Variants in DRGX observed in about 807,000 individuals in gnomAD.
The protein encoded by DRGX is dorsal root ganglia homeobox protein.
In DRGX, 21 loss-of-function variants were observed where a neutral mutation model predicts 28.6. That is an observed-to-expected ratio of 0.73 (90% CI 0.52 to 1.06). DRGX has a LOEUF of 1.06. Ranked by LOEUF, DRGX falls within the 50% of genes least tolerant of loss-of-function variation. The pLI, the probability that DRGX is intolerant of heterozygous loss-of-function variation, is 0.00. For missense variants in DRGX, 354 were observed against 343.9 expected, an observed-to-expected ratio of 1.03 and a Z score of -0.23; for synonymous variants, 136 against 139.1, an observed-to-expected ratio of 0.98 and a Z score of 0.16.
In DRGX at chr10:49,366,265, C is replaced by T. The variant is rs763107153; in HGVS notation, c.643G>A (p.Glu215Lys). 23 of 1,613,746 alleles carry T rather than the reference C, an allele frequency of 1.4e-5. No individual in the cohort carries two copies. Among genetic ancestry groups the T allele is most frequent in the South Asian group, 5.5e-5 (5 of 91,086 alleles). ...GACTGCAGGACAGCTTCTGAGTGCT[C>T]GCGGGCCTTCATGCGCAGGGTGGCC... is the stretch of plus-strand genomic sequence containing the variant. ...SVATLRMKAREHSEAVLQSAN... is the reference protein window; with the variant it reads ...SVATLRMKARKHSEAVLQSAN... Residue 215 changes from glutamate to lysine, a missense_variant, in exon 7 of 7, where the codon GAG (glutamate) becomes AAG (lysine). By Grantham distance (56) the Glu-to-Lys change is moderately conservative (BLOSUM62 1). Transcript: ENST00000374139.
At chr10:49,390,337 C>G in intron 3 of DRGX, 103 bp from the exon 4 acceptor site, 1 of 969,732 alleles carries the variant, frequency 1.0e-6, no homozygotes, top group Non-Finnish European at 1.5e-6. Context: ...AGCAGTTTCA[C>G]AGATTAAATC....
intron 6 of DRGX, among the ~76,000 whole-genome samples, chr10:49,375,460 G>A (rs1849706445): frequency 6.6e-6 from 1 of 152,128 alleles, no homozygotes; most frequent in Non-Finnish European, 1.5e-5. Context: ...AATACCCCAT[G>A]GAAAGAAAAA....
chr10:49,380,047 C>T (rs900473627), intron 6 of DRGX, among the ~76,000 whole-genome samples: 1 of 152,226 alleles, frequency 6.6e-6, no homozygotes, highest in Admixed American at 6.5e-5. Context: ...CTCTAGGGAA[C>T]CACGCTGGGG....
At chr10:49,395,066 C>T (rs1357736504) in intron 2 of DRGX, among the ~76,000 whole-genome samples, 3 of 152,230 alleles carry the variant, frequency 2.0e-5, no homozygotes, top group African/African-American at 7.2e-5. Context: ...GCAGAAGCAC[C>T]GTGAAAGATT....
intron 6 of DRGX, among the ~76,000 whole-genome samples, chr10:49,373,147 T>A (rs1483784249): frequency 1.3e-4 from 20 of 152,162 alleles, no homozygotes; most frequent in Admixed American, 1.3e-3. Flanking sequence ...AATTAGCTAC[T>A]AAGGAAGTCA....
intron 6 of DRGX, among the ~76,000 whole-genome samples, chr10:49,369,750 T>A (rs1849634632): frequency 6.6e-6 from 1 of 152,058 alleles, no homozygotes; most frequent in Admixed American, 6.5e-5. Context: ...ACGCATGTTT[T>A]ACCATAATCA....
intron 2 of DRGX, 102 bp from the exon 3 acceptor site, chr10:49,391,363 A>G: frequency 2.3e-6 from 2 of 859,810 alleles, no homozygotes; most frequent in Non-Finnish European, 3.8e-6. Context: ...ACCAGACAGG[A>G]AGCCCTGTTT....
intron 4 of DRGX, among the ~76,000 whole-genome samples, chr10:49,389,452 C>A (rs1849875281): frequency 6.6e-6 from 1 of 152,188 alleles, no homozygotes; most frequent in Admixed American, 6.5e-5. Context: ...ATAGCTCGCC[C>A]AGAGAGGCGG....
At chr10:49,386,362 G>T in intron 6 of DRGX, 116 bp downstream of exon 6, 1 of 861,892 alleles carries the variant, frequency 1.2e-6, no homozygotes, top group Non-Finnish European at 1.7e-6. Flanking sequence ...GACAGGAGGC[G>T]AGGAAGCTGC....
intron 6 of DRGX, among the ~76,000 whole-genome samples, chr10:49,385,705 GA>G (rs200071229): frequency 5.3e-5 from 8 of 151,624 alleles, no homozygotes; most frequent in Admixed American, 2.0e-4. Context: ...CCTATTATCA[GA>G]AAAAAAAGCC....
chr10:49,390,562 A>G (rs982200938), intron 3 of DRGX, among the ~76,000 whole-genome samples: 2 of 152,200 alleles, frequency 1.3e-5, no homozygotes, highest in Admixed American at 1.3e-4. Flanking sequence ...TGTTAGAGTA[A>G]TTGTTATCGC....
intron 6 of DRGX, among the ~76,000 whole-genome samples, 197 bp downstream of exon 6, chr10:49,386,281 T>C (rs1243645599): frequency 6.6e-6 from 1 of 152,148 alleles, no homozygotes; most frequent in Non-Finnish European, 1.5e-5. Flanking sequence ...GGACATTCTC[T>C]CTATGCTCAG....
At chr10:49,393,176 A>G (rs547220424) in intron 2 of DRGX, among the ~76,000 whole-genome samples, 23 of 152,354 alleles carry the variant, frequency 1.5e-4, no homozygotes, top group Non-Finnish European at 3.2e-4. Flanking sequence ...TCTTCACAAC[A>G]TACAATGGAA....
rs775648598 is a variant in DRGX at position 49,366,196 on chromosome 10, C to T, written c.712G>A (p.Ala238Thr). The part of the protein sequence containing the change: ...PSTSSSPGPV[A>T]KPAPPDGSQE... ...CTGCCATCTGGGGGCGCCGGCTTGG[C>T]GACAGGGCCGGGGCTGCTGCTGGTG... Residue 238 changes from alanine (A) to threonine (T), a missense_variant, in exon 7 of 7, where the codon GCC becomes ACC. By Grantham distance (58) the Ala-to-Thr change is moderately conservative. Transcript: ENST00000374139. 24 of 1,613,204 alleles carry T rather than the reference C, an allele frequency of 1.5e-5. No individual in the cohort carries two copies. The highest frequency in any genetic ancestry group is 2.0e-5 in the Non-Finnish European group (24 of 1,179,512).
chr10:49,386,660 CCA>C lies in DRGX; in HGVS notation c.413+18_413+19del. 2.5e-6 allele frequency: 4 copies of C among 1,571,296 alleles called. No individual in the cohort carries two copies. The highest frequency in any genetic ancestry group is 3.5e-6 in the Non-Finnish European group (4 of 1,159,092). ...CAGTGCTGCCCATGGCCCACCGGGC[CCA>C]GAGACCCACAGCCTCACCTCTGCTG... On this transcript the variant is annotated intron_variant, in intron 5 of 6. Transcript: ENST00000374139.
chr10:49,379,563 T>C (rs189277432), intron 6 of DRGX, among the ~76,000 whole-genome samples: 4 of 152,350 alleles, frequency 2.6e-5, no homozygotes, highest in Admixed American at 6.5e-5. Flanking sequence ...ACAAACGCTA[T>C]GGCCAATACA....
intron 3 of DRGX, 108 bp from the exon 4 acceptor site, chr10:49,390,342 T>G: frequency 1.1e-6 from 1 of 924,000 alleles, no homozygotes; most frequent in Non-Finnish European, 1.6e-6. Flanking sequence ...TTTCACAGAT[T>G]AAATCGAGGA....
intron 4 of DRGX, among the ~76,000 whole-genome samples, chr10:49,389,542 C>T (rs748983020): frequency 1.3e-5 from 2 of 152,182 alleles, no homozygotes; most frequent in African/African-American, 2.4e-5. Context: ...ATGTAATCAC[C>T]GTGTAGCTTC....
intron 3 of DRGX, among the ~76,000 whole-genome samples, chr10:49,390,522 CA>C (rs1010100842): frequency 6.6e-6 from 1 of 150,788 alleles, no homozygotes; most frequent in Non-Finnish European, 1.5e-5. Flanking sequence ...TCATAGGAAT[CA>C]AAAAAAAACT....
Sources: gnomAD v4.1 joint callset for allele counts (sites outside exome capture counted in the v4.1 genomes callset) on GRCh38, gnomAD v4.1.1 for gene constraint, MANE v1.5 for transcripts, NCBI Gene and HGNC (gene_info 2026-07-23, HGNC 2026-07-21) for gene names.